The following RAD51B variants were observed in gnomAD, a reference collection of about 807,000 sequenced individuals.
The protein encoded by RAD51B is DNA repair protein RAD51 homolog 2.
A neutral mutation model predicts 42.2 loss-of-function variants in RAD51B; 38 were observed. That is an observed-to-expected ratio of 0.90 (90% CI 0.70 to 1.18). RAD51B has a LOEUF of 1.18. Among genes scored for constraint, RAD51B ranks in the 50% most tolerant of loss-of-function variants. RAD51B has a pLI of 0.00. For synonymous variants in RAD51B, 154 were observed against 145.2 expected, an observed-to-expected ratio of 1.06 and a Z score of -0.43; for missense variants, 373 against 400.7, an observed-to-expected ratio of 0.93 and a Z score of 0.59.
At chr14:68,295,446 A>C (rs1254801617) in intron 8 of RAD51B, among the ~76,000 whole-genome samples, 1 of 152,194 alleles carries the variant, frequency 6.6e-6, no homozygotes, top group Non-Finnish European at 1.5e-5. Context: ...AAGGAGCGTG[A>C]GAGAGCACCT....
intron 8 of RAD51B, among the ~76,000 whole-genome samples, chr14:68,310,437 C>T (rs191841547): frequency 2.8e-4 from 42 of 152,238 alleles, no homozygotes; most frequent in South Asian, 1.0e-3. Flanking sequence ...GTAAACCACA[C>T]GGTAGATATG....
intron 7 of RAD51B, among the ~76,000 whole-genome samples, chr14:67,908,133 T>G (rs936508688): frequency 6.6e-5 from 10 of 152,206 alleles, no homozygotes; most frequent in African/African-American, 2.2e-4. Flanking sequence ...GGTTGTCAAC[T>G]TTGAGGATAC....
At chr14:67,900,012 A>C (rs1406298905) in intron 7 of RAD51B, among the ~76,000 whole-genome samples, 1 of 152,198 alleles carries the variant, frequency 6.6e-6, no homozygotes, top group African/African-American at 2.4e-5. Flanking sequence ...TTATCATACT[A>C]AAAACTTTTC....
At chr14:68,606,046 G>A (rs958160178) in intron 10 of RAD51B, among the ~76,000 whole-genome samples, 26 of 152,168 alleles carry the variant, frequency 1.7e-4, no homozygotes, top group African/African-American at 6.0e-4. Flanking sequence ...AGAATCACCC[G>A]GGAGCTTTTA....
At chr14:68,577,822 A>C (rs1290998) in intron 10 of RAD51B, among the ~76,000 whole-genome samples, 81 of 152,356 alleles carry the variant, frequency 5.3e-4, no homozygotes, top group African/African-American at 1.9e-3. Context: ...TTAGAATCCT[A>C]CCTGCCGTGG....
chr14:68,292,982 C>A (rs118108390), intron 8 of RAD51B, among the ~76,000 whole-genome samples: 126 of 152,310 alleles, frequency 8.3e-4, no homozygotes, highest in Admixed American at 2.1e-3. Flanking sequence ...AAACTTTTGT[C>A]ATCAAGTCTG....
chr14:68,368,229 G>T (rs113915924), intron 8 of RAD51B, among the ~76,000 whole-genome samples: 3 of 152,092 alleles, frequency 2.0e-5, no homozygotes, highest in Admixed American at 1.3e-4. Context: ...CAGAAACCCT[G>T]TGAGGCAGGT....
chr14:68,021,741 A>G (rs943489845), intron 7 of RAD51B, among the ~76,000 whole-genome samples: 2 of 152,212 alleles, frequency 1.3e-5, no homozygotes, highest in African/African-American at 4.8e-5. Flanking sequence ...TTTGTTTCCT[A>G]ATGCATATAA....
intron 7 of RAD51B, among the ~76,000 whole-genome samples, chr14:67,987,202 C>G (rs1275678104): frequency 1.3e-5 from 2 of 152,134 alleles, no homozygotes; most frequent in East Asian, 3.8e-4. Flanking sequence ...CAATTACAAT[C>G]TTAGTTATTT....
At chr14:68,248,704 A>G (rs1159954570) in intron 7 of RAD51B, among the ~76,000 whole-genome samples, 3 of 152,232 alleles carry the variant, frequency 2.0e-5, no homozygotes, top group Non-Finnish European at 2.9e-5. Context: ...CAACAAGGCC[A>G]ATATTTTCTT....
At chr14:68,113,099 AAATT>A (rs1194306159) in intron 7 of RAD51B, among the ~76,000 whole-genome samples, 1 of 152,122 alleles carries the variant, frequency 6.6e-6, no homozygotes, top group East Asian at 1.9e-4. Context: ...TTGATTTTTT[AAATT>A]AATTCTTACT....
chr14:68,532,078 C>G (rs1887345362), intron 10 of RAD51B, among the ~76,000 whole-genome samples: 2 of 152,258 alleles, frequency 1.3e-5, no homozygotes, highest in South Asian at 4.1e-4. Flanking sequence ...TAACAGGCCA[C>G]ACAAAGGAAG....
At chr14:67,952,909 A>G (rs1286686615) in intron 7 of RAD51B, among the ~76,000 whole-genome samples, 1 of 151,976 alleles carries the variant, frequency 6.6e-6, no homozygotes, top group Non-Finnish European at 1.5e-5. Context: ...TTTTTAATAA[A>G]TGCTTACTAC....
intron 9 of RAD51B, among the ~76,000 whole-genome samples, chr14:68,426,812 G>A (rs779463493): frequency 6.6e-6 from 1 of 151,498 alleles, no homozygotes; most frequent in African/African-American, 2.4e-5. Flanking sequence ...GAATGACCCC[G>A]AGGGGATTTT....
chr14:68,347,202 C>A (rs2082693678), intron 8 of RAD51B, among the ~76,000 whole-genome samples: 1 of 152,210 alleles, frequency 6.6e-6, no homozygotes, highest in African/African-American at 2.4e-5. Context: ...TATCTAGCAT[C>A]ATTCCTGACA....
chr14:68,311,510 A>G (rs140628484), intron 8 of RAD51B, among the ~76,000 whole-genome samples: 13 of 152,272 alleles, frequency 8.5e-5, no homozygotes, highest in Admixed American at 1.3e-4. Flanking sequence ...TCCTTTTATT[A>G]TCATACTTAA....
At chr14:68,616,166 G>T (rs554808591), downstream of RAD51B, among the ~76,000 whole-genome samples, 160 of 152,078 alleles carry the variant, frequency 1.1e-3, no homozygotes, top group Non-Finnish European at 1.7e-3. Flanking sequence ...ATATTTTAAA[G>T]AAATTTTTAA....
intron 7 of RAD51B, among the ~76,000 whole-genome samples, chr14:67,971,139 A>G (rs2074891035): frequency 6.6e-6 from 1 of 152,168 alleles, no homozygotes. Flanking sequence ...CTCAGTAGGT[A>G]AATTGCTCTG....
intron 9 of RAD51B, among the ~76,000 whole-genome samples, chr14:68,438,029 T>G (rs1245079852): frequency 1.3e-5 from 2 of 152,064 alleles, no homozygotes; most frequent in Admixed American, 1.3e-4. Context: ...TGAGTAGGGA[T>G]CGGGGAGGAT....
Sources: gnomAD v4.1 joint callset for allele counts (sites outside exome capture counted in the v4.1 genomes callset) on GRCh38, gnomAD v4.1.1 for gene constraint, MANE v1.5 for transcripts, NCBI Gene and HGNC (gene_info 2026-07-23, HGNC 2026-07-21) for gene names.